The following PRH1 variants were observed in gnomAD, a reference collection of about 807,000 sequenced individuals.
PRH1 encodes the protein proline rich protein HaeIII subfamily 1.
Under a neutral mutation model 7.9 loss-of-function variants are expected in PRH1, and 7 were observed. The ratio of observed to expected loss-of-function variants is 0.89; its 90% CI spans 0.50 to 1.67. PRH1 has a LOEUF of 1.67. Among genes scored for constraint, PRH1 ranks in the 40% most tolerant of loss-of-function variants. The pLI is 0.00. For missense variants in PRH1, 109 were observed against 223.6 expected (o/e 0.49, Z 3.27); for synonymous variants, 45 against 80.8 (o/e 0.56, Z 2.38).
At chr12:11,116,868 C>G (rs1475164456), downstream of PRH1, among the ~76,000 whole-genome samples, 1 of 151,978 alleles carries the variant, frequency 6.6e-6, no homozygotes, top group Non-Finnish European at 1.5e-5. Context: ...TGATAAGATT[C>G]AACATTCCTT....
intron 1 of PRH1, among the ~76,000 whole-genome samples, chr12:11,088,746 G>A (rs138112356): frequency 0.033 from 3,084 of 93,128 alleles, 838 homozygotes; most frequent in South Asian, 0.048. Flanking sequence ...CAGAAGATAT[G>A]GACTCTGCTC....
chr12:11,058,740 T>C (rs942488692), intron 1 of PRH1, among the ~76,000 whole-genome samples: 1 of 152,164 alleles, frequency 6.6e-6, no homozygotes, highest in African/African-American at 2.4e-5. Flanking sequence ...GACAAGCCTG[T>C]GGGAGAGGGG....
chr12:10,950,742 T>C (rs1950558128), intron 2 of PRH1, among the ~76,000 whole-genome samples: 2 of 152,086 alleles, frequency 1.3e-5, no homozygotes, highest in African/African-American at 4.8e-5. Flanking sequence ...ATTGTTTAGA[T>C]TGTTTAACAA....
intron 1 of PRH1, among the ~76,000 whole-genome samples, chr12:10,991,881 A>G (rs1364810444): frequency 2.6e-5 from 4 of 152,196 alleles, no homozygotes; most frequent in African/African-American, 9.7e-5. Flanking sequence ...AGCATGCAAC[A>G]TGAAAACTAA....
intron 1 of PRH1, among the ~76,000 whole-genome samples, chr12:11,136,365 G>A (rs1946555060): frequency 6.6e-6 from 1 of 151,920 alleles, no homozygotes; most frequent in South Asian, 2.1e-4. Context: ...TTAATGTAAT[G>A]ATTCACCCAT....
chr12:10,903,938 A>AAAAAAAACAAAAAAAAAAAC, intron 2 of PRH1, among the ~76,000 whole-genome samples: 1 of 143,864 alleles, frequency 7.0e-6, no homozygotes, highest in East Asian at 2.0e-4. Flanking sequence ...CCTCAAAAAA[A>AAAAAAAACAAAAAAAAAAAC]AAAAAAAAAA....
intron 2 of PRH1, chr12:10,938,330 G>C (rs1370908033): frequency 6.2e-7 from 1 of 1,614,004 alleles, no homozygotes. Context: ...CAGTAGCACT[G>C]ACAGAGAGGC....
intron 1 of PRH1, among the ~76,000 whole-genome samples, chr12:11,154,461 A>G (rs1565710759): frequency 1.3e-5 from 2 of 152,220 alleles, no homozygotes; most frequent in South Asian, 4.1e-4. Context: ...GGGGAGAGGA[A>G]AGCAAGGGAT....
intron 2 of PRH1, among the ~76,000 whole-genome samples, chr12:10,960,833 C>A (rs943640227): frequency 1.3e-5 from 2 of 152,138 alleles, no homozygotes; most frequent in African/African-American, 4.8e-5. Context: ...CAGGTCCATG[C>A]TCCTGGTCCT....
chr12:10,940,997 T>C (rs1231544555), intron 2 of PRH1, among the ~76,000 whole-genome samples: 1 of 152,154 alleles, frequency 6.6e-6, no homozygotes, highest in Non-Finnish European at 1.5e-5. Flanking sequence ...GGACAAATAT[T>C]AAGGAAAAAT....
chr12:10,938,470 A>G, intron 2 of PRH1: 1 of 1,614,104 alleles, frequency 6.2e-7, no homozygotes, highest in Non-Finnish European at 8.5e-7. Flanking sequence ...ATATGAAAAA[A>G]GACAGAGAGA....
At chr12:11,069,609 T>C (rs77136790) in intron 1 of PRH1, among the ~76,000 whole-genome samples, 67,018 of 118,284 alleles carry the variant, frequency 0.57, 15,354 homozygotes, top group Non-Finnish European at 0.65. Context: ...CTTGGCAACA[T>C]AGACTCTGGT....
chr12:11,106,191 C>T lies in PRH1; in HGVS notation n.124-59003G>A, dbSNP rs576227294. Among the ~76,000 whole-genome samples the T allele has an allele frequency of 1.7e-4, 8 of 46,966 alleles. 1 individual carries two copies. The highest frequency in any genetic ancestry group is 7.8e-4 in the South Asian group (2 of 2,570). The allele number at this position is 46,966 out of a possible 152,430, so 30.8% of individuals were successfully genotyped here. On this transcript the variant is annotated intron_variant and non_coding_transcript_variant, in intron 1 of 4. Transcript: ENST00000541977. ...TCCTGACCTCGTGATCCGCCCGCCT[C>T]GGCCTCCCAAAGTGCTGGGATTACA...
intron 1 of PRH1, among the ~76,000 whole-genome samples, chr12:11,002,997 G>A (rs1287083977): frequency 1.3e-5 from 2 of 152,030 alleles, no homozygotes; most frequent in South Asian, 2.1e-4. Flanking sequence ...CTGCCAATTT[G>A]AAACGTGTAT....
intron 1 of PRH1, among the ~76,000 whole-genome samples, chr12:11,165,507 G>A (rs1025018166): frequency 2.0e-5 from 3 of 151,994 alleles, no homozygotes; most frequent in Non-Finnish European, 2.9e-5. Context: ...AAAATTTCCT[G>A]AGCATGTTAT....
At chr12:10,894,861 A>G (rs903526023) in intron 2 of PRH1, 11 of 152,222 alleles carry the variant, frequency 7.2e-5, no homozygotes, top group African/African-American at 2.7e-4. Flanking sequence ...AATAAGAGGT[A>G]GGTGAAAGAA....
intron 1 of PRH1, among the ~76,000 whole-genome samples, chr12:11,054,293 C>T (rs535035134): frequency 6.6e-6 from 1 of 152,128 alleles, no homozygotes; most frequent in Admixed American, 6.5e-5. Context: ...CTCTTTTTGG[C>T]TGTTTAATTT....
chr12:11,155,122 A>C (rs1248649767), intron 1 of PRH1, among the ~76,000 whole-genome samples: 3 of 152,220 alleles, frequency 2.0e-5, no homozygotes, highest in African/African-American at 7.2e-5. Context: ...TGCCAATCCC[A>C]GGCAGTAACA....
chr12:11,037,082 C>T (rs1565579225), intron 1 of PRH1, among the ~76,000 whole-genome samples: 1 of 152,272 alleles, frequency 6.6e-6, no homozygotes. Flanking sequence ...TCTTTTACTA[C>T]ATTTTAAAAT....
Sources: gnomAD v4.1 joint callset for allele counts (sites outside exome capture counted in the v4.1 genomes callset) on GRCh38, gnomAD v4.1.1 for gene constraint, MANE v1.5 for transcripts, NCBI Gene and HGNC (gene_info 2026-07-23, HGNC 2026-07-21) for gene names.